The following CRYBB2 variants were observed in gnomAD, a reference collection of about 807,000 sequenced individuals.
CRYBB2 encodes the protein crystallin beta B2.
CRYBB2 carries 12 observed loss-of-function variants against 24.3 expected under a neutral mutation model. That is an observed-to-expected ratio of 0.49 (90% CI 0.32 to 0.80). The LOEUF is 0.80. Ranked by LOEUF, CRYBB2 falls within the 30% of genes least tolerant of loss-of-function variation. The probability of loss-of-function intolerance (pLI) is 0.04; values close to 1 mark genes in which losing one functional copy is unlikely to be tolerated. For missense variants in CRYBB2, 198 were observed against 268.5 expected (o/e 0.74, Z 1.83); for synonymous variants, 98 against 101.6 (o/e 0.96, Z 0.21).
intron 5 of CRYBB2, 135 bp downstream of exon 5, chr22:25,229,713 G>C: frequency 8.5e-7 from 1 of 1,170,346 alleles, no homozygotes; most frequent in Non-Finnish European, 1.2e-6. Flanking sequence ...CTTCCCACTG[G>C]AAAGTAAATG....
upstream of CRYBB2, among the ~76,000 whole-genome samples, chr22:25,218,735 GGGAGAGAGAGAGA>G (rs1935236237): frequency 7.2e-4 from 30 of 41,498 alleles, 2 homozygotes; most frequent in South Asian, 3.6e-3. Context: ...AGAGAGAGAG[GGGAGAGAGAGAGA>G]GAGAGAGAGA....
upstream of CRYBB2, among the ~76,000 whole-genome samples, chr22:25,218,059 A>G (rs1402948596): frequency 2.0e-5 from 3 of 151,786 alleles, no homozygotes; most frequent in Admixed American, 6.6e-5. Flanking sequence ...GGAGATCGAG[A>G]CCATCCTGGC....
chr22:25,218,007 C>G (rs1209310074), upstream of CRYBB2, among the ~76,000 whole-genome samples: 1 of 152,014 alleles, frequency 6.6e-6, no homozygotes. Flanking sequence ...CGCCTGTAAT[C>G]CCAGCACTTT....
intron 1 of CRYBB2, 31 bp from the exon 2 acceptor site, chr22:25,221,373 G>A (rs1249735476): frequency 1.4e-6 from 2 of 1,432,916 alleles, no homozygotes; most frequent in African/African-American, 2.8e-5. Flanking sequence ...GGCCCCTCCA[G>A]GTCCTCACTG....
upstream of CRYBB2, among the ~76,000 whole-genome samples, chr22:25,216,051 A>C (rs576930606): frequency 6.6e-6 from 1 of 152,356 alleles, no homozygotes; most frequent in Admixed American, 6.5e-5. Context: ...AAAAAAGATG[A>C]GTATGGACAG....
In CRYBB2 at chr22:25,227,745, G is replaced by A. The variant is rs142846156; in HGVS notation, c.174-108G>A. The A allele has an allele frequency of 3.5e-3, 5,542 of 1,583,688 alleles. 114 individuals carry two copies. The East Asian group carries it at 0.063, about 18-fold the overall frequency. On this transcript the variant is annotated intron_variant, in intron 3 of 5. Transcript: ENST00000398215. ...TTGGGTGGGGCTATTACATCTTGCCGGGCTGGGCAAGAGTGAACCCTAGGG... is the reference window on the plus strand; with the variant it reads ...TTGGGTGGGGCTATTACATCTTGCCAGGCTGGGCAAGAGTGAACCCTAGGG...
chr22:25,226,166 CTCTGTGTGTG>C (rs772373177), intron 3 of CRYBB2, among the ~76,000 whole-genome samples: 15 of 99,992 alleles, frequency 1.5e-4, no homozygotes, highest in Admixed American at 4.6e-4. Context: ...ATTTGGATTT[CTCTGTGTGTG>C]TGTGTGTGTG....
chr22:25,221,728 C>A (rs1195113238), intron 2 of CRYBB2, among the ~76,000 whole-genome samples: 1 of 152,228 alleles, frequency 6.6e-6, no homozygotes, highest in African/African-American at 2.4e-5. Flanking sequence ...TTCTCTCTCC[C>A]TTACCTGTTT....
chr22:25,228,279 C>CACA (rs1371503752), intron 4 of CRYBB2, among the ~76,000 whole-genome samples: 7 of 147,732 alleles, frequency 4.7e-5, no homozygotes, highest in Admixed American at 6.8e-5. Context: ...AGGCTCCAAT[C>CACA]ACAAGACTAT....
intron 2 of CRYBB2, among the ~76,000 whole-genome samples, chr22:25,221,880 T>C (rs1935328200): frequency 6.6e-6 from 1 of 152,234 alleles, no homozygotes; most frequent in Non-Finnish European, 1.5e-5. Flanking sequence ...ATTTGATCCC[T>C]CTGAGCCTCA....
chr22:25,224,418 A>C (rs1200772261), intron 2 of CRYBB2, among the ~76,000 whole-genome samples: 5 of 152,086 alleles, frequency 3.3e-5, no homozygotes, highest in Non-Finnish European at 7.4e-5. Context: ...ATTATGTCTT[A>C]ATTATGTCAT....
At chr22:25,218,770 AGAGAGAGAGAAG>A (rs1935246698), upstream of CRYBB2, among the ~76,000 whole-genome samples, 2 of 25,732 alleles carry the variant, frequency 7.8e-5, no homozygotes, top group Non-Finnish European at 1.4e-4. Context: ...AGAGAGAGAG[AGAGAGAGAGAAG>A]AAAGAAAGAA....
upstream of CRYBB2, among the ~76,000 whole-genome samples, chr22:25,214,959 A>G (rs1301810567): frequency 9.8e-5 from 15 of 152,364 alleles, no homozygotes; most frequent in Admixed American, 9.1e-4. Context: ...CCTATCAGCC[A>G]GTGAAAACCC....
chr22:25,221,514 A>G (rs778111350), intron 2 of CRYBB2, 31 bp downstream of exon 2: 1 of 1,555,558 alleles, frequency 6.4e-7, no homozygotes, highest in Admixed American at 1.7e-5. Flanking sequence ...GGGGCATGCA[A>G]TGCTCCTCCC....
intron 3 of CRYBB2, among the ~76,000 whole-genome samples, chr22:25,226,707 CTT>C (rs1476333161): frequency 6.6e-6 from 1 of 152,158 alleles, no homozygotes; most frequent in Non-Finnish European, 1.5e-5. Context: ...AGTTGTAGCT[CTT>C]GTCACCCAGG....
chr22:25,231,529 T>TC (rs916483069), intron 5 of CRYBB2, 75 bp from the exon 6 acceptor site: 1 of 1,416,366 alleles, frequency 7.1e-7, no homozygotes, highest in African/African-American at 1.4e-5. Flanking sequence ...TCTATCTCTC[T>TC]CCCCTCGCCT....
At chr22:25,230,573 G>T (rs1386851292) in intron 5 of CRYBB2, among the ~76,000 whole-genome samples, 1 of 149,932 alleles carries the variant, frequency 6.7e-6, no homozygotes, top group African/African-American at 2.5e-5. Flanking sequence ...TGCTAATTAA[G>T]GCTCTTTCCC....
chr22:25,212,296 T>C (rs1221144577), upstream of CRYBB2, among the ~76,000 whole-genome samples: 2 of 152,166 alleles, frequency 1.3e-5, no homozygotes, highest in African/African-American at 2.4e-5. Context: ...ACAGGGAAAT[T>C]AGAAAACTAG....
At chr22:25,226,953 C>A (rs1017185126) in intron 3 of CRYBB2, among the ~76,000 whole-genome samples, 10 of 152,194 alleles carry the variant, frequency 6.6e-5, no homozygotes, top group African/African-American at 2.4e-4. Flanking sequence ...GGATTACAGG[C>A]GTGAGCCACA....
Sources: gnomAD v4.1 joint callset for allele counts (sites outside exome capture counted in the v4.1 genomes callset) on GRCh38, gnomAD v4.1.1 for gene constraint, MANE v1.5 for transcripts, NCBI Gene and HGNC (gene_info 2026-07-23, HGNC 2026-07-21) for gene names.